PTPRG: variants seen among roughly 807,000 people sequenced by gnomAD.
PTPRG encodes the protein protein tyrosine phosphatase receptor type G, also known as receptor-type tyrosine-protein phosphatase gamma.
A neutral mutation model predicts 165.3 loss-of-function variants in PTPRG; 102 were observed. That is an observed-to-expected ratio of 0.62 (90% confidence interval 0.53 to 0.73). PTPRG has a LOEUF of 0.73. PTPRG is among the 30% of genes least tolerant of loss of function. PTPRG has a pLI of 0.00. For synonymous variants in PTPRG, 675 were observed against 669.5 expected, an observed-to-expected ratio of 1.01 and a Z score of -0.13; for missense variants, 1,866 against 1,861.4, an observed-to-expected ratio of 1.00 and a Z score of -0.05.
intron 1 of PTPRG, among the ~76,000 whole-genome samples, chr3:61,702,924 G>T (rs1314030874): frequency 6.6e-6 from 1 of 152,222 alleles, no homozygotes; most frequent in African/African-American, 2.4e-5. Flanking sequence ...CATGAGTAAA[G>T]CTGTAAAGAG....
chr3:61,714,346 T>C (rs914083066), intron 1 of PTPRG, among the ~76,000 whole-genome samples: 2 of 152,152 alleles, frequency 1.3e-5, no homozygotes, highest in Admixed American at 1.3e-4. Context: ...ATGGTTTAAG[T>C]GTGCAACTTC....
At chr3:61,750,414 T>C (rs2033383430) in intron 2 of PTPRG, 1 of 152,210 alleles carries the variant, frequency 6.6e-6, no homozygotes, top group Non-Finnish European at 1.5e-5. Context: ...CCCTTAAACT[T>C]TTCCCATTAT....
At chr3:62,053,917 G>T (rs1700546586) in intron 4 of PTPRG, among the ~76,000 whole-genome samples, 1 of 152,128 alleles carries the variant, frequency 6.6e-6, no homozygotes, top group Non-Finnish European at 1.5e-5. Flanking sequence ...TTGAGGTATA[G>T]CCTACATACG....
chr3:61,948,211 G>C (rs1353590343), intron 2 of PTPRG, among the ~76,000 whole-genome samples: 1 of 152,118 alleles, frequency 6.6e-6, no homozygotes, highest in African/African-American at 2.4e-5. Flanking sequence ...TGTAATCCCA[G>C]CTACTCGAGA....
intron 8 of PTPRG, among the ~76,000 whole-genome samples, chr3:62,188,946 C>T (rs147332339): frequency 1.6e-3 from 246 of 152,134 alleles, no homozygotes; most frequent in Non-Finnish European, 2.4e-3. Flanking sequence ...TGATCTTTCC[C>T]CCGCCTCCTC....
chr3:61,615,789 T>C (rs1701281143), intron 1 of PTPRG, among the ~76,000 whole-genome samples: 2 of 152,210 alleles, frequency 1.3e-5, no homozygotes, highest in Non-Finnish European at 2.9e-5. Context: ...CTGTGTCCTT[T>C]TGACATGTCC....
chr3:61,856,568 A>G (rs1356180474), intron 2 of PTPRG, among the ~76,000 whole-genome samples: 3 of 152,118 alleles, frequency 2.0e-5, no homozygotes, highest in African/African-American at 2.4e-5. Flanking sequence ...TTGCATGCAT[A>G]CAAGTGTATT....
intron 2 of PTPRG, among the ~76,000 whole-genome samples, chr3:61,840,778 G>GTTTTTTTTT (rs1421518243): frequency 9.4e-6 from 1 of 106,190 alleles, no homozygotes; most frequent in African/African-American, 4.5e-5. Context: ...TTTTTTGTTT[G>GTTTTTTTTT]TTTGTTTTTT....
intron 2 of PTPRG, among the ~76,000 whole-genome samples, chr3:61,755,487 A>G (rs1234773143): frequency 6.6e-6 from 1 of 152,184 alleles, no homozygotes; most frequent in Admixed American, 6.5e-5. Flanking sequence ...TATCTTTTCT[A>G]CATATCCCTA....
At chr3:61,729,866 T>C (rs558316596) in intron 1 of PTPRG, among the ~76,000 whole-genome samples, 66 of 152,334 alleles carry the variant, frequency 4.3e-4, no homozygotes, top group Non-Finnish European at 8.8e-4. Flanking sequence ...GAATATTTAT[T>C]GCTTTCATTA....
chr3:61,962,557 C>T (rs747285731), intron 2 of PTPRG, among the ~76,000 whole-genome samples: 15 of 152,132 alleles, frequency 9.9e-5, no homozygotes, highest in Non-Finnish European at 8.8e-5. Context: ...TTTATATCCA[C>T]AGTCACATTC....
intron 1 of PTPRG, among the ~76,000 whole-genome samples, chr3:61,574,971 C>T (rs1228880274): frequency 6.6e-6 from 1 of 152,174 alleles, no homozygotes; most frequent in African/African-American, 2.4e-5. Context: ...TCGTGAGGGA[C>T]CCACCCTCAT....
intron 2 of PTPRG, among the ~76,000 whole-genome samples, chr3:61,783,678 G>A (rs924909041): frequency 7.9e-5 from 12 of 152,144 alleles, no homozygotes; most frequent in African/African-American, 2.9e-4. Context: ...CATGTTTGGT[G>A]CAGTAGAGAA....
chr3:61,912,395 A>T (rs1475167169), intron 2 of PTPRG, among the ~76,000 whole-genome samples: 1 of 152,164 alleles, frequency 6.6e-6, no homozygotes, highest in Non-Finnish European at 1.5e-5. Context: ...TTTAAAAATT[A>T]CTCATGGATT....
At chr3:61,650,512 T>C (rs898705176) in intron 1 of PTPRG, among the ~76,000 whole-genome samples, 2 of 152,212 alleles carry the variant, frequency 1.3e-5, no homozygotes, top group African/African-American at 4.8e-5. Flanking sequence ...GCAATAGTTA[T>C]CCAACCATTG....
At chr3:62,206,888 CACT>C (rs1700243988) in intron 12 of PTPRG, among the ~76,000 whole-genome samples, 1 of 125,044 alleles carries the variant, frequency 8.0e-6, no homozygotes, top group Non-Finnish European at 1.6e-5. Flanking sequence ...AAGATCACAC[CACT>C]GACAGAGCAA....
chr3:62,206,912 CAAAAAAAAAAAAA>C (rs556974355), intron 12 of PTPRG, among the ~76,000 whole-genome samples: 4 of 37,318 alleles, frequency 1.1e-4, no homozygotes, highest in South Asian at 3.6e-3. Flanking sequence ...GACTCTGTCT[CAAAAAAAAAAAAA>C]AAAAAAAAAA....
At chr3:61,920,286 C>T (rs1030063836) in intron 2 of PTPRG, among the ~76,000 whole-genome samples, 2 of 152,198 alleles carry the variant, frequency 1.3e-5, no homozygotes, top group Admixed American at 6.5e-5. Flanking sequence ...TAGAAATGCT[C>T]ATCACTCTCA....
At chr3:61,581,422 T>C (rs531517308) in intron 1 of PTPRG, among the ~76,000 whole-genome samples, 60 of 152,230 alleles carry the variant, frequency 3.9e-4, no homozygotes, top group African/African-American at 1.4e-3. Context: ...GGCATCCTTT[T>C]CCCCACCTTA....
Sources: allele counts gnomAD v4.1 joint callset (sites outside exome capture counted in the v4.1 genomes callset), GRCh38; gene constraint gnomAD v4.1.1; transcripts MANE v1.5; gene names NCBI Gene and HGNC (gene_info 2026-07-23, HGNC 2026-07-21).